BNIP2: variants seen among roughly 807,000 people sequenced by gnomAD.
The protein encoded by BNIP2 is BCL2 interacting protein 2.
A neutral mutation model predicts 43.4 loss-of-function variants in BNIP2; 36 were observed. That is an observed-to-expected ratio of 0.83 (90% confidence interval 0.64 to 1.10). BNIP2 has a LOEUF of 1.10. Among genes scored for constraint, BNIP2 ranks in the 50% least tolerant of loss-of-function variants. The pLI, the probability that BNIP2 is intolerant of heterozygous loss-of-function variation, is 0.00. For synonymous variants in BNIP2, 146 were observed against 121.0 expected (o/e 1.21, Z -1.35); for missense variants, 417 against 374.1 (o/e 1.11, Z -0.95).
At chr15:59,664,161 G>A (rs1314184683) in intron 9 of BNIP2, 41 bp from the exon 10 acceptor site, 4 of 1,309,496 alleles carry the variant, frequency 3.1e-6, no homozygotes, top group African/African-American at 1.5e-5. Flanking sequence ...ACCAGCAACT[G>A]AACAATTTTC....
At chr15:59,672,827 A>G (rs562143658) in intron 5 of BNIP2, 88 bp from the exon 6 acceptor site, 78 of 885,560 alleles carry the variant, frequency 8.8e-5, no homozygotes, top group Admixed American at 7.7e-4. Flanking sequence ...TAAATTATAA[A>G]TAAGAGTTTA....
chr15:59,678,935 A>C, intron 4 of BNIP2: 1 of 1,127,348 alleles, frequency 8.9e-7, no homozygotes, highest in Non-Finnish European at 1.1e-6. Context: ...TTATTGAACC[A>C]GTAAAACAGG....
At chr15:59,688,966 C>A (rs944357512) in intron 1 of BNIP2, 169 bp downstream of exon 1, 1 of 1,441,350 alleles carries the variant, frequency 6.9e-7, no homozygotes, top group East Asian at 2.5e-5. Context: ...GGGCGGGGAT[C>A]CAGGAAGCAC....
In BNIP2 at chr15:59,671,449, T is replaced by G. The variant is rs183795937; in HGVS notation, c.576-135A>C. 5 of 623,236 alleles carry G rather than the reference T, an allele frequency of 8.0e-6. No homozygotes were observed. In the South Asian group the frequency reaches 1.4e-4, roughly 17 times the overall value. The allele number at this position is 623,236 out of a possible 1,614,324, so 38.6% of individuals were successfully genotyped here. A position where few individuals can be genotyped will look rare whatever the true frequency, so the allele number is the denominator to read the frequency against. On this transcript the variant is annotated intron_variant, in intron 6 of 9. Transcript: ENST00000607373. ...AACAATGAAAATGCTCAAACCGCATTAGCTAGTATTACGATTATCTTATTT... is the reference window on the plus strand; with the variant it reads ...AACAATGAAAATGCTCAAACCGCATGAGCTAGTATTACGATTATCTTATTT...
chr15:59,669,823 G>T (rs1892791915), intron 7 of BNIP2, among the ~76,000 whole-genome samples: 1 of 152,092 alleles, frequency 6.6e-6, no homozygotes, highest in Non-Finnish European at 1.5e-5. Flanking sequence ...TATTCTTAAG[G>T]AATTTAAAGT....
At chr15:59,670,140 A>C (rs1329181812) in intron 7 of BNIP2, among the ~76,000 whole-genome samples, 3 of 152,258 alleles carry the variant, frequency 2.0e-5, no homozygotes, top group African/African-American at 7.2e-5. Flanking sequence ...ACCATTAAAA[A>C]ACATAAATAC....
chr15:59,688,462 G>T (rs531345225), intron 1 of BNIP2: 47 of 379,118 alleles, frequency 1.2e-4, no homozygotes, highest in African/African-American at 9.0e-4. Flanking sequence ...AGGAGGCACC[G>T]TAACTATCTT....
intron 1 of BNIP2, among the ~76,000 whole-genome samples, chr15:59,687,593 T>C (rs1894105095): frequency 6.6e-6 from 1 of 152,022 alleles, no homozygotes; most frequent in Non-Finnish European, 1.5e-5. Flanking sequence ...TTATCATTTT[T>C]TGCTCCTGAC....
At chr15:59,668,858 T>C in intron 9 of BNIP2, 34 bp downstream of exon 9, 1 of 1,530,962 alleles carries the variant, frequency 6.5e-7, no homozygotes, top group South Asian at 1.1e-5. Flanking sequence ...AATGTTAAGA[T>C]CCAATACAAT....
At chr15:59,664,869 T>TA (rs1892474391) in intron 9 of BNIP2, among the ~76,000 whole-genome samples, 1 of 152,230 alleles carries the variant, frequency 6.6e-6, no homozygotes, top group African/African-American at 2.4e-5. Flanking sequence ...AATTCAGTGA[T>TA]AAAAAATGCA....
chr15:59,666,737 AATTT>A, intron 9 of BNIP2, among the ~76,000 whole-genome samples: 1 of 152,314 alleles, frequency 6.6e-6, no homozygotes, highest in East Asian at 1.9e-4. Context: ...GATTGACAAA[AATTT>A]ATTATTTTTT....
intron 5 of BNIP2, among the ~76,000 whole-genome samples, chr15:59,674,222 A>G (rs1893124145): frequency 6.6e-6 from 1 of 152,238 alleles, no homozygotes; most frequent in Non-Finnish European, 1.5e-5. Flanking sequence ...AATATTTAGT[A>G]GCAAATACTT....
chr15:59,676,898 G>C, intron 5 of BNIP2: 2 of 1,601,340 alleles, frequency 1.2e-6, no homozygotes, highest in African/African-American at 1.3e-5. Flanking sequence ...CACCTGCACG[G>C]TGTGGCTGGC....
At position 59,669,287 on chromosome 15, in the gene BNIP2, TC is replaced by T; in HGVS notation, c.782del (p.Arg261AsnfsTer21). ...CTCTCAAAAATTACCTAATAAATGG[TC>T]TTGTAACAGCCAGAAGTGTTCTGAT... ...WFIRTLLAVT[R>X]PFISSKFSQK... is the part of the protein sequence containing the mutation. On this transcript the variant is annotated frameshift_variant, in exon 8 of 10. Transcript: ENST00000607373. LOFTEE classifies it high-confidence loss of function. 1 of 1,549,816 alleles carries T rather than the reference TC, an allele frequency of 6.5e-7. No homozygotes were observed. Among genetic ancestry groups the T allele is most frequent in the Non-Finnish European group, 8.6e-7 (1 of 1,156,098 alleles).
chr15:59,677,103 G>C, intron 5 of BNIP2: 1 of 1,608,602 alleles, frequency 6.2e-7, no homozygotes, highest in Non-Finnish European at 8.5e-7. Flanking sequence ...CATAGAAATG[G>C]GCAAGGTCAA....
intron 9 of BNIP2, among the ~76,000 whole-genome samples, chr15:59,666,131 C>T (rs930934699): frequency 4.6e-5 from 7 of 152,262 alleles, no homozygotes; most frequent in African/African-American, 1.7e-4. Flanking sequence ...TTGAAAGAAA[C>T]ATTTTAAACA....
At chr15:59,687,992 G>A (rs1444829792) in intron 1 of BNIP2, among the ~76,000 whole-genome samples, 2 of 152,128 alleles carry the variant, frequency 1.3e-5, no homozygotes, top group African/African-American at 4.8e-5. Flanking sequence ...GCCTGATTTG[G>A]CCGCACTTAG....
At chr15:59,671,989 T>C (rs952294699) in intron 6 of BNIP2, among the ~76,000 whole-genome samples, 6 of 152,160 alleles carry the variant, frequency 3.9e-5, no homozygotes, top group African/African-American at 1.4e-4. Context: ...GGTAGGAGGA[T>C]GGCTTGAGCC....
At chr15:59,669,203 T>C (rs975681582) in intron 8 of BNIP2, 73 bp downstream of exon 8, 2 of 1,159,586 alleles carry the variant, frequency 1.7e-6, no homozygotes, top group African/African-American at 3.2e-5. Context: ...TAAGTATGTA[T>C]AGTTATTATG....
Sources: gnomAD v4.1 joint callset for allele counts (sites outside exome capture counted in the v4.1 genomes callset) on GRCh38, gnomAD v4.1.1 for gene constraint, MANE v1.5 for transcripts, NCBI Gene and HGNC (gene_info 2026-07-23, HGNC 2026-07-21) for gene names.